ADD2: variants seen among roughly 807,000 people sequenced by gnomAD.
The protein encoded by ADD2 is beta-adducin.
In ADD2, 23 loss-of-function variants were observed where a neutral mutation model predicts 83.0. The ratio of observed to expected loss-of-function variants is 0.28; its 90% CI spans 0.20 to 0.39. The LOEUF (loss-of-function observed/expected upper bound fraction) is 0.39, where lower values mean the gene tolerates loss of function less well. Among genes scored for constraint, ADD2 ranks in the 10% least tolerant of loss-of-function variants. The pLI, the probability that ADD2 is intolerant of heterozygous loss-of-function variation, is 1.00. For missense variants in ADD2, 758 were observed against 944.9 expected, an observed-to-expected ratio of 0.80 and a Z score of 2.59; for synonymous variants, 375 against 375.4, an observed-to-expected ratio of 1.00 and a Z score of 0.01.
At chr2:70,673,270 C>T (rs759087499) in intron 14 of ADD2, 28 of 1,614,078 alleles carry the variant, frequency 1.7e-5, no homozygotes, top group Middle Eastern at 1.7e-4. Flanking sequence ...TGGAGGGCAA[C>T]GCTGAAGAAC....
At chr2:70,684,659 T>C (rs959420237) in intron 9 of ADD2, among the ~76,000 whole-genome samples, 51 of 152,326 alleles carry the variant, frequency 3.3e-4, no homozygotes, top group Admixed American at 2.7e-3. Flanking sequence ...GAAAAATACA[T>C]TCTCCACAAT....
chr2:70,706,440 A>C lies in ADD2; in HGVS notation c.-32T>G. Reference sequence around the variant, plus strand: ...GGTGGGTTTGCAATTCGCTCCTGGAACTCTACAGAGAAGGGGAGAGGGTAT... The same window carrying C: ...GGTGGGTTTGCAATTCGCTCCTGGACCTCTACAGAGAAGGGGAGAGGGTAT... On this transcript the variant is annotated splice_region_variant and 5_prime_UTR_variant, in exon 3 of 16. Transcript: ENST00000264436. This position sits in a 1 kb window ranked among gnomAD's most constrained non-coding sequence, Gnocchi z 5.0. The C allele has an allele frequency of 1.3e-6, 2 of 1,578,292 alleles. No homozygotes were observed. Among genetic ancestry groups the C allele is most frequent in the South Asian group, 2.3e-5 (2 of 87,506 alleles).
At chr2:70,697,164 A>AAG (rs1671354485) in intron 4 of ADD2, among the ~76,000 whole-genome samples, 1 of 152,024 alleles carries the variant, frequency 6.6e-6, no homozygotes, top group Non-Finnish European at 1.5e-5. Flanking sequence ...CTCCCAAAAA[A>AAG]AGAAAGCCAG....
intron 10 of ADD2, among the ~76,000 whole-genome samples, chr2:70,682,091 T>A (rs1243389671): frequency 6.6e-6 from 1 of 152,222 alleles, no homozygotes; most frequent in African/African-American, 2.4e-5. Flanking sequence ...ATTGATATTA[T>A]TAAGCCATCC....
chr2:70,764,861 C>A (rs1553385701), intron 1 of ADD2, among the ~76,000 whole-genome samples: 1 of 151,970 alleles, frequency 6.6e-6, no homozygotes, highest in African/African-American at 2.4e-5. Flanking sequence ...AGAGAATACA[C>A]AGATCTTTCA....
intron 1 of ADD2, among the ~76,000 whole-genome samples, chr2:70,754,091 A>C (rs947016418): frequency 2.2e-4 from 34 of 152,268 alleles, no homozygotes; most frequent in African/African-American, 7.9e-4. Flanking sequence ...AAAACACAAG[A>C]TGCCTCAAGG....
rs142936633 is a variant in ADD2 at position 70,675,256 on chromosome 2, C to G, written c.1594-431G>C. On this transcript the variant is annotated intron_variant, in intron 13 of 15. Coordinates refer to ENST00000264436, the MANE Select transcript of ADD2 (RefSeq NM_001617.4). Reference sequence around the variant, plus strand: ...CATTCCCCACCACTGCCCTCCCCGCCCCCACAGCAGTGCAAGCCACAACAC... The same window carrying G: ...CATTCCCCACCACTGCCCTCCCCGCGCCCACAGCAGTGCAAGCCACAACAC... 1.0e-3 allele frequency: 1,020 copies of G among 1,005,270 alleles called. 6 individuals are homozygous for G. The African/African-American group carries it at 0.017, about 16-fold the overall frequency. The allele number at this position is 1,005,270 out of a possible 1,614,324, so 62.3% of individuals were successfully genotyped here.
rs1671884159 is a variant in ADD2, at chr2:70,706,257, T to C, written c.152A>G (p.Lys51Arg). 4.3e-6 allele frequency: 7 copies of C among 1,614,086 alleles called. No homozygotes were observed. Among genetic ancestry groups the C allele is most frequent in the Non-Finnish European group, 5.9e-6 (7 of 1,180,004 alleles). ...LRQDFNLMEQ[K>R]KRVTMILQSP... The stretch of plus-strand genomic sequence containing the variant: ...CTGCAGGATCATGGTGACGCGCTTC[T>C]TCTGCTCCATCAGGTTGAAGTCCTG... Residue 51 changes from lysine (K) to arginine (R), a missense_variant, in exon 3 of 16, where the codon AAG (lysine) becomes AGG (arginine). By Grantham distance (26) the Lys-to-Arg change is conservative (BLOSUM62 2). Transcript: ENST00000264436. The surrounding 1 kb of genome is among the most constrained non-coding windows in gnomAD (Gnocchi z 5.0).
At chr2:70,675,264 C>T in intron 13 of ADD2, 1 of 1,002,948 alleles carries the variant, frequency 1.0e-6, no homozygotes, top group Non-Finnish European at 1.2e-6. Flanking sequence ...GCCCCCACAG[C>T]AGTGCAAGCC....
At chr2:70,740,786 G>A (rs4852707) in intron 1 of ADD2, among the ~76,000 whole-genome samples, 52,041 of 151,912 alleles carry the variant, frequency 0.34, 8,971 homozygotes, top group Middle Eastern at 0.41. Context: ...TGCAACCTCC[G>A]CCTCCCGGCT....
chr2:70,730,142 A>G (rs1399792157), intron 1 of ADD2, among the ~76,000 whole-genome samples: 5 of 152,260 alleles, frequency 3.3e-5, no homozygotes, highest in African/African-American at 1.2e-4. Flanking sequence ...GGTGAAATAT[A>G]GTGTCAAGAA....
chr2:70,677,824 G>A lies in ADD2; in HGVS notation c.1437C>T (p.Ile479=), dbSNP rs199802003. 3.4e-5 allele frequency: 55 copies of A among 1,614,138 alleles called. No homozygotes were observed. The Admixed American group carries it at 4.0e-4, about 12-fold the overall frequency. ...GAGGCACAAATTGGTTTGGGTTTTC[G>A]ATGCGAATCGGCATGCCACTGCTGG... ...EKSSSGMPIR[I]ENPNQFVPLY... is the part of the protein sequence containing the mutation. The change falls in exon 12 of 16, where the codon ATC becomes ATT. Residue 479 remains isoleucine, a synonymous_variant. Transcript: ENST00000264436.
At chr2:70,749,464 A>G (rs545783223) in intron 1 of ADD2, among the ~76,000 whole-genome samples, 35 of 152,066 alleles carry the variant, frequency 2.3e-4, no homozygotes, top group Admixed American at 3.9e-4. Flanking sequence ...ATGCCAGGGG[A>G]AGTTATATGT....
At chr2:70,746,053 G>C (rs1188688483) in intron 1 of ADD2, among the ~76,000 whole-genome samples, 4 of 152,210 alleles carry the variant, frequency 2.6e-5, no homozygotes, top group Non-Finnish European at 4.4e-5. Context: ...GAGCTAGTGA[G>C]ACTGTCGTTA....
intron 15 of ADD2, among the ~76,000 whole-genome samples, chr2:70,663,961 C>T (rs939993427): frequency 1.3e-5 from 2 of 152,136 alleles, no homozygotes; most frequent in African/African-American, 4.8e-5. Flanking sequence ...AGGCTGGCAG[C>T]TCTGGGCTCT....
At chr2:70,740,227 A>C (rs1441625691) in intron 1 of ADD2, among the ~76,000 whole-genome samples, 6 of 152,208 alleles carry the variant, frequency 3.9e-5, no homozygotes, top group Non-Finnish European at 8.8e-5. Context: ...TATGTACTAA[A>C]TAACATAGCA....
At chr2:70,754,290 C>T (rs953985880) in intron 1 of ADD2, among the ~76,000 whole-genome samples, 8 of 152,132 alleles carry the variant, frequency 5.3e-5, no homozygotes, top group Non-Finnish European at 1.2e-4. Flanking sequence ...CATAATTCTT[C>T]GCAGCACTTC....
At chr2:70,704,573 C>T (rs1230393054) in intron 3 of ADD2, 114 bp from the exon 4 acceptor site, 1 of 1,286,780 alleles carries the variant, frequency 7.8e-7, no homozygotes, top group Non-Finnish European at 1.1e-6. Flanking sequence ...CAGGGCCATG[C>T]TCAGGGTCCC....
chr2:70,718,931 C>T (rs1010079102), intron 1 of ADD2, among the ~76,000 whole-genome samples: 1 of 152,196 alleles, frequency 6.6e-6, no homozygotes, highest in Non-Finnish European at 1.5e-5. Context: ...ATATTCCTGG[C>T]AGAAGCCTTG....
Sources: allele counts gnomAD v4.1 joint callset (sites outside exome capture counted in the v4.1 genomes callset), GRCh38; gene constraint gnomAD v4.1.1; non-coding constraint Gnocchi (gnomAD v3.1); transcripts MANE v1.5; gene names NCBI Gene and HGNC (gene_info 2026-07-23, HGNC 2026-07-21).